Variants in CLSTN2 observed in about 807,000 individuals in gnomAD.
CLSTN2 encodes calsyntenin-2.
In CLSTN2, 48 loss-of-function variants were observed where a neutral mutation model predicts 101.2. The observed-to-expected ratio is 0.47, with a 90% CI of 0.38 to 0.60. The LOEUF (loss-of-function observed/expected upper bound fraction) is 0.60. Among genes scored for constraint, CLSTN2 ranks in the 20% least tolerant of loss-of-function variants. The pLI is 0.00. For synonymous variants in CLSTN2, 481 were observed against 463.6 expected (o/e 1.04, Z -0.48); for missense variants, 1,160 against 1,238.2 (o/e 0.94, Z 0.95).
chr3:140,361,966 T>C (rs893684225), intron 2 of CLSTN2, among the ~76,000 whole-genome samples: 4 of 152,096 alleles, frequency 2.6e-5, no homozygotes, highest in Non-Finnish European at 5.9e-5. Context: ...TTTGCAGAAA[T>C]TGACAACCTG....
chr3:140,461,859 T>C (rs1043306695), intron 7 of CLSTN2, among the ~76,000 whole-genome samples: 2 of 151,730 alleles, frequency 1.3e-5, no homozygotes, highest in African/African-American at 2.4e-5. Context: ...ACACTCAAGA[T>C]TGGCACAGAG....
At chr3:140,160,256 T>A (rs2010024270) in intron 1 of CLSTN2, among the ~76,000 whole-genome samples, 1 of 152,138 alleles carries the variant, frequency 6.6e-6, no homozygotes, top group African/African-American at 2.4e-5. Context: ...AATCTTTATT[T>A]TCACTGACAT....
intron 1 of CLSTN2, among the ~76,000 whole-genome samples, chr3:140,152,646 A>G (rs569864889): frequency 3.9e-5 from 6 of 152,296 alleles, no homozygotes; most frequent in African/African-American, 1.4e-4. Context: ...CTCACGTTCT[A>G]TTAGTGCAGT....
Position 140,403,686 on chromosome 3 carries a change from T to G in CLSTN2, c.290T>G (p.Leu97Arg), listed in dbSNP as rs1269737636. Reference protein sequence around the residue: ...GQELPFEAVVLNKTSGEGRLR... With the variant: ...GQELPFEAVVRNKTSGEGRLR... ...GAGCTGCCCTTTGAGGCTGTGGTGC[T>G]CAACAAGACATCAGGAGAGGGCCGG... is the stretch of plus-strand genomic sequence containing the variant. Residue 97 changes from leucine (L) to arginine (R), a missense_variant, in exon 3 of 17, where the codon CTC becomes CGC. Leu to Arg is a moderately radical substitution (Grantham distance 102). Coordinates refer to ENST00000458420, the MANE Select transcript of CLSTN2 (RefSeq NM_022131.3). The G allele has an allele frequency of 6.2e-7, 1 of 1,614,140 alleles. No homozygotes were observed. The highest frequency in any genetic ancestry group is 2.2e-5 in the East Asian group (1 of 44,874).
At chr3:140,050,976 G>A (rs2007979073) in intron 1 of CLSTN2, among the ~76,000 whole-genome samples, 1 of 152,216 alleles carries the variant, frequency 6.6e-6, no homozygotes, top group African/African-American at 2.4e-5. Context: ...AAGAAACACA[G>A]CTTTTGAACA....
At chr3:140,226,139 G>A (rs975001278) in intron 2 of CLSTN2, among the ~76,000 whole-genome samples, 9 of 152,162 alleles carry the variant, frequency 5.9e-5, no homozygotes, top group African/African-American at 2.2e-4. Context: ...CATACATGCT[G>A]CATGATTCCA....
At chr3:140,270,389 C>T (rs554084648) in intron 2 of CLSTN2, among the ~76,000 whole-genome samples, 1 of 152,240 alleles carries the variant, frequency 6.6e-6, no homozygotes, top group South Asian at 2.1e-4. Context: ...AGACAGGATG[C>T]TTTGTCAACC....
At chr3:140,434,317 G>A (rs1242099780) in intron 5 of CLSTN2, among the ~76,000 whole-genome samples, 1 of 152,180 alleles carries the variant, frequency 6.6e-6, no homozygotes, top group Non-Finnish European at 1.5e-5. Flanking sequence ...GGGGCTTGGA[G>A]CATTGACCCC....
At chr3:140,070,964 C>G (rs1456039355) in intron 1 of CLSTN2, among the ~76,000 whole-genome samples, 3 of 151,978 alleles carry the variant, frequency 2.0e-5, no homozygotes. Context: ...ATTTCTGATC[C>G]AGAAAATTAA....
chr3:140,047,345 T>C (rs1257192201), intron 1 of CLSTN2, among the ~76,000 whole-genome samples: 1 of 152,204 alleles, frequency 6.6e-6, no homozygotes, highest in East Asian at 1.9e-4. Flanking sequence ...ATATACAACA[T>C]ATATATGGCC....
intron 1 of CLSTN2, among the ~76,000 whole-genome samples, chr3:139,997,602 C>T (rs2006704219): frequency 6.6e-6 from 1 of 152,166 alleles, no homozygotes; most frequent in African/African-American, 2.4e-5. Flanking sequence ...TAACGCCATT[C>T]TGCCTTAATC....
intron 1 of CLSTN2, among the ~76,000 whole-genome samples, chr3:140,046,102 T>G (rs2007874536): frequency 6.6e-6 from 1 of 151,968 alleles, no homozygotes; most frequent in East Asian, 1.9e-4. Flanking sequence ...GATCTAATAT[T>G]GATAGTGGGG....
chr3:140,121,475 T>A (rs77664604), intron 1 of CLSTN2, among the ~76,000 whole-genome samples: 2,534 of 152,218 alleles, frequency 0.017, 74 homozygotes, highest in African/African-American at 0.057. Context: ...AAGTGAAAGT[T>A]CCAACACATA....
At chr3:140,022,960 A>C (rs1182026531) in intron 1 of CLSTN2, among the ~76,000 whole-genome samples, 1 of 152,132 alleles carries the variant, frequency 6.6e-6, no homozygotes, top group Non-Finnish European at 1.5e-5. Flanking sequence ...CTAATATAGC[A>C]AAGGTGCTGA....
At chr3:140,501,993 C>T (rs1934585784) in intron 8 of CLSTN2, among the ~76,000 whole-genome samples, 1 of 152,166 alleles carries the variant, frequency 6.6e-6, no homozygotes, top group African/African-American at 2.4e-5. Flanking sequence ...TTCCACCTCT[C>T]TGAGCTTCAG....
rs548988567 is a variant in CLSTN2, at chr3:140,236,824, AGTGT to A, written c.232+60788_232+60791del. Reference sequence around the variant, plus strand: ...TTTCCTATTACATGTTATGTTATATAGTGTGTGTGTGTGTGTGTGTGTGTGTGTG... The same window carrying A: ...TTTCCTATTACATGTTATGTTATATAGTGTGTGTGTGTGTGTGTGTGTGTG... On this transcript the variant is annotated intron_variant, in intron 2 of 16. Transcript: ENST00000458420. Among the ~76,000 whole-genome samples, 215 of 125,838 alleles carry A rather than the reference AGTGT, an allele frequency of 1.7e-3. 2 individuals carry two copies. The highest frequency in any genetic ancestry group is 8.1e-3 in the Middle Eastern group (2 of 246). 82.6% of individuals were successfully genotyped at this position (125,838 alleles called of 152,430 possible). A position where few individuals can be genotyped will look rare whatever the true frequency, so the allele number is the denominator to read the frequency against.
At chr3:140,413,381 A>G (rs1187559500) in intron 4 of CLSTN2, among the ~76,000 whole-genome samples, 1 of 152,206 alleles carries the variant, frequency 6.6e-6, no homozygotes, top group Non-Finnish European at 1.5e-5. Context: ...AATAATGAGT[A>G]GGAAGACTGA....
chr3:140,189,601 A>G (rs2010531313), intron 2 of CLSTN2, among the ~76,000 whole-genome samples: 1 of 152,106 alleles, frequency 6.6e-6, no homozygotes, highest in African/African-American at 2.4e-5. Flanking sequence ...TTTGTTATTT[A>G]TATTCTTACG....
intron 2 of CLSTN2, among the ~76,000 whole-genome samples, chr3:140,398,790 A>T (rs2088210461): frequency 6.6e-6 from 1 of 152,264 alleles, no homozygotes; most frequent in Non-Finnish European, 1.5e-5. Context: ...CAAAGGAAGG[A>T]GCAAAATGTG....
Sources: allele counts gnomAD v4.1 joint callset (sites outside exome capture counted in the v4.1 genomes callset), GRCh38; gene constraint gnomAD v4.1.1; transcripts MANE v1.5; gene names NCBI Gene and HGNC (gene_info 2026-07-23, HGNC 2026-07-21).